Variants in IMPDH1 observed in about 807,000 individuals in gnomAD.
IMPDH1 encodes inosine monophosphate dehydrogenase 1.
A neutral mutation model predicts 73.5 loss-of-function variants in IMPDH1; 41 were observed. That is an observed-to-expected ratio of 0.56 (90% CI 0.43 to 0.72). The LOEUF (loss-of-function observed/expected upper bound fraction) is 0.72, where lower values mean the gene tolerates loss of function less well. Ranked by LOEUF, IMPDH1 falls within the 30% of genes least tolerant of loss-of-function variation. The pLI, the probability that IMPDH1 is intolerant of heterozygous loss-of-function variation, is 0.00. For missense variants in IMPDH1, 645 were observed against 824.8 expected (o/e 0.78, Z 2.67); for synonymous variants, 318 against 334.3 (o/e 0.95, Z 0.53).
intron 12 of IMPDH1, 39 bp from the exon 13 acceptor site, chr7:128,395,313 A>G (rs1797839165): frequency 9.3e-6 from 15 of 1,610,412 alleles, no homozygotes; most frequent in Non-Finnish European, 1.3e-5. Flanking sequence ...AGAAGAGTCA[A>G]CAGCAACTCC....
chr7:128,393,385 G>A (rs976925141), intron 16 of IMPDH1, among the ~76,000 whole-genome samples: 9 of 152,202 alleles, frequency 5.9e-5, no homozygotes, highest in Non-Finnish European at 1.0e-4. Flanking sequence ...GCCCATGTCC[G>A]CACCCAGCCC....
At position 128,394,678 on chromosome 7, in the gene IMPDH1, G is replaced by T; in HGVS notation, c.1551-79C>A. On this transcript the variant is annotated intron_variant, in intron 14 of 16. Coordinates refer to ENST00000338791, the MANE Select transcript of IMPDH1 (RefSeq NM_000883.4). The surrounding 1 kb of genome is among the most constrained non-coding windows in gnomAD (Gnocchi z 5.5). ...CCCCACCTCTTAAGGGCAAAAACGGGATACCGCCCAGGAAGGTCCCCCAGG... is the reference window on the plus strand; with the variant it reads ...CCCCACCTCTTAAGGGCAAAAACGGTATACCGCCCAGGAAGGTCCCCCAGG... The T allele has an allele frequency of 6.4e-7, 1 of 1,571,108 alleles. No homozygotes were observed. The highest frequency in any genetic ancestry group is 8.7e-7 in the Non-Finnish European group (1 of 1,150,638).
chr7:128,401,347 A>C (rs1798322185), intron 5 of IMPDH1, among the ~76,000 whole-genome samples: 1 of 152,186 alleles, frequency 6.6e-6, no homozygotes, highest in African/African-American at 2.4e-5. Flanking sequence ...GCAGAGAAAA[A>C]CAAAAAGGCC....
At chr7:128,397,661 T>C (rs912347290) in intron 10 of IMPDH1, among the ~76,000 whole-genome samples, 1 of 152,186 alleles carries the variant, frequency 6.6e-6, no homozygotes, top group Non-Finnish European at 1.5e-5. Flanking sequence ...AATAAGCCTT[T>C]ATCTTTATTC....
In IMPDH1 at chr7:128,394,596, C is replaced by T; in HGVS notation, c.1554G>A (p.Glu518=). The part of the protein sequence containing the change: ...SSSSQKRYFS[E]GDKVKIAQGV... ...CCTGCGCGATCTTCACTTTATCCCC[C>T]TCGCTGCGTGGAGGGTGGAAGACTG... Residue 518 remains glutamate (E), a synonymous_variant, in exon 15 of 17, where the codon GAG becomes GAA. Coordinates refer to ENST00000338791, the MANE Select transcript of IMPDH1 (RefSeq NM_000883.4). This position sits in a 1 kb window ranked among gnomAD's most constrained non-coding sequence, Gnocchi z 5.5. 1 of 1,613,630 alleles carries T rather than the reference C, an allele frequency of 6.2e-7. No individual in the cohort carries two copies. Among genetic ancestry groups the T allele is most frequent in the South Asian group, 1.1e-5 (1 of 91,080 alleles).
Position 128,394,676 on chromosome 7 carries a change from G to C in IMPDH1, c.1551-77C>G. On this transcript the variant is annotated intron_variant, in intron 14 of 16. Coordinates refer to ENST00000338791, the MANE Select transcript of IMPDH1 (RefSeq NM_000883.4). The surrounding 1 kb of genome is among the most constrained non-coding windows in gnomAD (Gnocchi z 5.5). ...CACCCCACCTCTTAAGGGCAAAAAC[G>C]GGATACCGCCCAGGAAGGTCCCCCA... is the stretch of plus-strand genomic sequence containing the variant. The C allele has an allele frequency of 1.3e-6, 2 of 1,570,918 alleles. No homozygotes were observed. Among genetic ancestry groups the C allele is most frequent in the Non-Finnish European group, 1.7e-6 (2 of 1,150,152 alleles).
Position 128,394,509 on chromosome 7 carries a change from TGCTATGAGGTAGG to T in IMPDH1, c.1628_1640del (p.Pro543GlnfsTer21). 6.2e-7 allele frequency: 1 copy of T among 1,614,012 alleles called. No homozygotes were observed. The highest frequency in any genetic ancestry group is 1.3e-5 in the African/African-American group (1 of 75,036). Reference sequence around the variant, plus strand: ...TATCCTGGCAGCCGTGTTGGATGCCTGCTATGAGGTAGGGCACGAACTTCTGAATGGATCCTTT... The same window carrying T: ...TATCCTGGCAGCCGTGTTGGATGCCTGCACGAACTTCTGAATGGATCCTTT... On this transcript the variant is annotated frameshift_variant, in exon 15 of 17. Transcript: ENST00000338791. LOFTEE classifies it high-confidence loss of function. The surrounding 1 kb of genome is among the most constrained non-coding windows in gnomAD (Gnocchi z 5.5).
rs1798051562 is a variant in IMPDH1 at position 128,398,057 on chromosome 7, G to A, written c.1074+357C>T. Among the ~76,000 whole-genome samples, 2 of 152,186 alleles carry A rather than the reference G, an allele frequency of 1.3e-5. No homozygotes were observed. The highest frequency in any genetic ancestry group is 6.5e-5 in the Admixed American group (1 of 15,278). On this transcript the variant is annotated intron_variant, in intron 10 of 16. Transcript: ENST00000338791. The surrounding 1 kb of genome is among the most constrained non-coding windows in gnomAD (Gnocchi z 4.3). ...TAGCTCTGTCCATGTTGCTGCAAAG[G>A]ACAGGATTTCATTCTTTCTTATGGC...
intron 9 of IMPDH1, among the ~76,000 whole-genome samples, chr7:128,399,598 A>C (rs1798172501): frequency 6.6e-6 from 1 of 151,966 alleles, no homozygotes; most frequent in Non-Finnish European, 1.5e-5. Flanking sequence ...GAGGCATGAG[A>C]ATTGCTTGAA....
At chr7:128,395,662 T>G (rs1797866200) in intron 12 of IMPDH1, among the ~76,000 whole-genome samples, 1 of 152,246 alleles carries the variant, frequency 6.6e-6, no homozygotes, top group South Asian at 2.1e-4. Context: ...TGGTTTGCAT[T>G]TCTTCAAGTC....
At position 128,396,856 on chromosome 7, in the gene IMPDH1, G is replaced by T; in HGVS notation, c.1165+76C>A. 8.0e-7 allele frequency: 1 copy of T among 1,242,290 alleles called. No homozygotes were observed. Among genetic ancestry groups the T allele is most frequent in the South Asian group, 1.2e-5 (1 of 82,898 alleles). 77.0% of individuals were successfully genotyped at this position (1,242,290 alleles called of 1,614,324 possible). On this transcript the variant is annotated intron_variant, in intron 11 of 16. Transcript: ENST00000338791. The surrounding 1 kb of genome is among the most constrained non-coding windows in gnomAD (Gnocchi z 4.0). ...ATGCCAGGAGCCATACCATCACCTA[G>T]GGATGCTGAAGGACAGAAAAGGGTT...
chr7:128,405,576 C>G (rs930566368), intron 4 of IMPDH1, among the ~76,000 whole-genome samples, 191 bp downstream of exon 4: 1 of 152,206 alleles, frequency 6.6e-6, no homozygotes, highest in Non-Finnish European at 1.5e-5. Context: ...GCTCTGAGGG[C>G]CGCGGTGTCG....
chr7:128,401,780 C>T (rs1285533490), intron 5 of IMPDH1, among the ~76,000 whole-genome samples: 3 of 152,140 alleles, frequency 2.0e-5, no homozygotes, highest in African/African-American at 7.2e-5. Flanking sequence ...AAGCAAGCAA[C>T]GAATGGTCTG....
chr7:128,403,762 G>A lies in IMPDH1; in HGVS notation c.354-8C>T, dbSNP rs746274639. 6.2e-7 allele frequency: 1 copy of A among 1,613,652 alleles called. No homozygotes were observed. The highest frequency in any genetic ancestry group is 8.5e-7 in the Non-Finnish European group (1 of 1,179,570). ...GGGAGAATCAGGAAGTCGCTGTGAA[G>A]ACAGAGAAGTGAGTGTTATTAGTGG... On this transcript the variant is annotated splice_region_variant and splice_polypyrimidine_tract_variant and intron_variant, in intron 4 of 16. Coordinates refer to ENST00000338791, the MANE Select transcript of IMPDH1 (RefSeq NM_000883.4).
chr7:128,399,091 C>T lies in IMPDH1; in HGVS notation c.875-478G>A, dbSNP rs1003204341. On this transcript the variant is annotated intron_variant, in intron 9 of 16. Transcript: ENST00000338791. ...TTTTTTCTAACAAGCGAAAGTTGGC[C>T]GGGTGTGGTGGCTCACAGCTTCCTC... 6.6e-5 allele frequency among the ~76,000 whole-genome samples: 10 copies of T among 152,070 alleles called. 1 individual carries two copies. Among genetic ancestry groups the T allele is most frequent in the African/African-American group, 1.2e-4 (5 of 41,394 alleles).
intron 7 of IMPDH1, 26 bp from the exon 8 acceptor site, chr7:128,400,565 A>G: frequency 2.5e-6 from 4 of 1,599,376 alleles, no homozygotes; most frequent in Non-Finnish European, 2.6e-6. Context: ...GGGGAGGAAA[A>G]GGCTGGAAGA....
chr7:128,406,566 G>A (rs1233575601), intron 3 of IMPDH1, among the ~76,000 whole-genome samples: 1 of 151,906 alleles, frequency 6.6e-6, no homozygotes, highest in Non-Finnish European at 1.5e-5. Context: ...TGACCTTTGG[G>A]TGGCCTTGGG....
At chr7:128,397,147 G>T in intron 10 of IMPDH1, 125 bp from the exon 11 acceptor site, 2 of 619,788 alleles carry the variant, frequency 3.2e-6, no homozygotes, top group South Asian at 1.8e-5. Context: ...CTTTCCTTCT[G>T]GTTGTTTTTT....
chr7:128,403,674 C>T (rs1432609780), intron 5 of IMPDH1, 32 bp downstream of exon 5: 1 of 1,599,256 alleles, frequency 6.3e-7, no homozygotes, highest in East Asian at 2.2e-5. Context: ...CATACACAGC[C>T]CCCTCCCCTT....
Sources: allele counts gnomAD v4.1 joint callset (sites outside exome capture counted in the v4.1 genomes callset), GRCh38; gene constraint gnomAD v4.1.1; non-coding constraint Gnocchi (gnomAD v3.1); transcripts MANE v1.5; gene names NCBI Gene and HGNC (gene_info 2026-07-23, HGNC 2026-07-21).